NRG3: variants seen among roughly 807,000 people sequenced by gnomAD.
The protein encoded by NRG3 is pro-neuregulin-3, membrane-bound isoform.
A neutral mutation model predicts 66.9 loss-of-function variants in NRG3; 31 were observed. The ratio of observed to expected loss-of-function variants is 0.46; its 90% CI spans 0.35 to 0.63. The LOEUF (loss-of-function observed/expected upper bound fraction) is 0.63, where lower values mean the gene tolerates loss of function less well. Among genes scored for constraint, NRG3 ranks in the 20% least tolerant of loss-of-function variants. The probability of loss-of-function intolerance (pLI) is 0.00; values close to 1 mark genes in which losing one functional copy is unlikely to be tolerated. For missense variants in NRG3, 910 were observed against 878.9 expected (o/e 1.04, Z -0.45); for synonymous variants, 393 against 359.4 (o/e 1.09, Z -1.06).
chr10:82,349,227 G>T (rs1253988585), intron 1 of NRG3, among the ~76,000 whole-genome samples: 3 of 151,464 alleles, frequency 2.0e-5, no homozygotes, highest in African/African-American at 7.3e-5. Context: ...TGATGGTGAT[G>T]TACAGATGGG....
chr10:82,952,212 C>T (rs968308116), intron 5 of NRG3, among the ~76,000 whole-genome samples: 9 of 152,170 alleles, frequency 5.9e-5, no homozygotes, highest in African/African-American at 1.7e-4. Context: ...GCAAGTGGAT[C>T]ACCTGAGGTC....
At position 82,517,873 on chromosome 10, in the gene NRG3, A is replaced by G. The variant is rs554505410; in HGVS notation, c.953+159005A>G. ...TCATAATCAATATTTTTAATGCAAA[A>G]GTTTATATAAGGTCCATACTGGGTA... On this transcript the variant is annotated intron_variant, in intron 2 of 8. Coordinates refer to ENST00000372141, the MANE Select transcript of NRG3 (RefSeq NM_001010848.4). Among the ~76,000 whole-genome samples the G allele has an allele frequency of 5.3e-5, 8 of 152,250 alleles. No homozygotes were observed. The East Asian group carries it at 1.4e-3, about 26-fold the overall frequency.
intron 1 of NRG3, among the ~76,000 whole-genome samples, chr10:81,934,746 T>A (rs1329356686): frequency 6.6e-6 from 1 of 152,226 alleles, no homozygotes; most frequent in Non-Finnish European, 1.5e-5. Flanking sequence ...ACTTTTTTGG[T>A]AATTTTGTTT....
intron 3 of NRG3, among the ~76,000 whole-genome samples, chr10:82,788,105 G>A (rs981168): frequency 6.6e-6 from 1 of 151,968 alleles, no homozygotes; most frequent in Non-Finnish European, 1.5e-5. Flanking sequence ...TGTGTTGTTG[G>A]CTTCATTTAG....
At chr10:82,206,820 C>T (rs565833783) in intron 1 of NRG3, among the ~76,000 whole-genome samples, 4 of 152,276 alleles carry the variant, frequency 2.6e-5, no homozygotes, top group African/African-American at 9.6e-5. Context: ...GAAGAAATAA[C>T]ACGTTTTAAA....
rs1050069432 is a variant in NRG3, at chr10:82,168,722, T to G, written c.824-190017T>G. Among the ~76,000 whole-genome samples the G allele has an allele frequency of 1.1e-4, 16 of 152,292 alleles. No individual in the cohort carries two copies. In the South Asian group the frequency reaches 3.1e-3, roughly 30 times the overall value. On this transcript the variant is annotated intron_variant, in intron 1 of 8. Transcript: ENST00000372141. ...CCCAGCAGTGTGGAGTGGCCTAATGTGAGAGAAAGTTCTGTTTGTTTCTTA... is the reference window on the plus strand; with the variant it reads ...CCCAGCAGTGTGGAGTGGCCTAATGGGAGAGAAAGTTCTGTTTGTTTCTTA...
intron 2 of NRG3, among the ~76,000 whole-genome samples, chr10:82,456,274 G>T (rs1443886667): frequency 6.6e-6 from 1 of 150,780 alleles, no homozygotes; most frequent in Non-Finnish European, 1.5e-5. Context: ...TGAGTAGATA[G>T]GACTAAAAGT....
At chr10:82,136,101 C>G (rs1358841384) in intron 1 of NRG3, among the ~76,000 whole-genome samples, 2 of 152,292 alleles carry the variant, frequency 1.3e-5, no homozygotes, top group South Asian at 2.1e-4. Context: ...TGCAGATTCA[C>G]AGAGGTAGTG....
intron 2 of NRG3, among the ~76,000 whole-genome samples, chr10:82,625,661 A>G (rs748908633): frequency 6.6e-6 from 1 of 152,152 alleles, no homozygotes; most frequent in Non-Finnish European, 1.5e-5. Context: ...GAGCCATTCA[A>G]TTAGATTTCA....
chr10:81,985,486 C>T (rs542428494), intron 1 of NRG3, among the ~76,000 whole-genome samples: 2 of 152,312 alleles, frequency 1.3e-5, no homozygotes, highest in East Asian at 1.9e-4. Context: ...AGTCTATAAT[C>T]GCTATCAATG....
intron 1 of NRG3, among the ~76,000 whole-genome samples, chr10:82,025,194 A>G (rs567511507): frequency 7.3e-4 from 110 of 151,234 alleles, no homozygotes; most frequent in Non-Finnish European, 1.3e-3. Context: ...TTCACAGGTA[A>G]AAAATGTGGA....
At chr10:82,015,510 A>G (rs1418174859) in intron 1 of NRG3, among the ~76,000 whole-genome samples, 4 of 151,998 alleles carry the variant, frequency 2.6e-5, no homozygotes, top group African/African-American at 9.7e-5. Flanking sequence ...GATCAAGTGG[A>G]GGTGGTTGAA....
chr10:82,252,864 C>T (rs747027554), intron 1 of NRG3, among the ~76,000 whole-genome samples: 4 of 152,160 alleles, frequency 2.6e-5, no homozygotes, highest in Non-Finnish European at 5.9e-5. Context: ...TACTTTCTTG[C>T]TTCTGACTTC....
chr10:81,875,669 A>C lies in NRG3; in HGVS notation c.329A>C (p.Gln110Pro). The change falls in exon 1 of 9, where the codon CAG becomes CCG. Residue 110 changes from glutamine (Q) to proline (P), a missense_variant. Coordinates refer to ENST00000372141, the MANE Select transcript of NRG3 (RefSeq NM_001010848.4). The surrounding 1 kb of genome is among the most constrained non-coding windows in gnomAD (Gnocchi z 5.3). Reference sequence around the variant, plus strand: ...CTAGTGGACTCCAAGGGGATGGGCCAGGACCCCTTCTTCCTCTCCAAGCCC... The same window carrying C: ...CTAGTGGACTCCAAGGGGATGGGCCCGGACCCCTTCTTCCTCTCCAAGCCC... ...TDLVDSKGMG[Q>P]DPFFLSKPSS... 1 of 1,613,848 alleles carries C rather than the reference A, an allele frequency of 6.2e-7. No homozygotes were observed.
intron 1 of NRG3, among the ~76,000 whole-genome samples, chr10:82,249,274 T>G (rs1564709610): frequency 6.6e-6 from 1 of 152,230 alleles, no homozygotes; most frequent in Non-Finnish European, 1.5e-5. Context: ...AGACAGATGT[T>G]CAATGAAGGG....
chr10:82,287,565 G>C (rs1052163155), intron 1 of NRG3, among the ~76,000 whole-genome samples: 1 of 152,042 alleles, frequency 6.6e-6, no homozygotes, highest in Non-Finnish European at 1.5e-5. Flanking sequence ...GTCAGGGAGT[G>C]GGGTGAGGGT....
intron 1 of NRG3, among the ~76,000 whole-genome samples, chr10:82,318,800 A>G (rs1454515898): frequency 2.6e-5 from 4 of 152,212 alleles, no homozygotes; most frequent in African/African-American, 9.6e-5. Context: ...GAAAGTGAAC[A>G]TCTTGAAAGC....
chr10:82,462,258 C>G (rs1445339025), intron 2 of NRG3, among the ~76,000 whole-genome samples: 1 of 151,940 alleles, frequency 6.6e-6, no homozygotes, highest in African/African-American at 2.4e-5. Flanking sequence ...CATAGAAGTT[C>G]AAATATATTC....
At position 82,201,156 on chromosome 10, in the gene NRG3, C is replaced by A. The variant is rs559675268; in HGVS notation, c.824-157583C>A. 5.5e-5 allele frequency among the ~76,000 whole-genome samples: 8 copies of A among 144,988 alleles called. No homozygotes were observed. The South Asian group carries it at 1.8e-3, about 32-fold the overall frequency. ...GAGGTTGCGGTGAGCCAAGATCGCA[C>A]CAGCGCACTCCAGCCTGGTGACAGA... On this transcript the variant is annotated intron_variant, in intron 1 of 8. Coordinates refer to ENST00000372141, the MANE Select transcript of NRG3 (RefSeq NM_001010848.4).
Sources: gnomAD v4.1 joint callset for allele counts (sites outside exome capture counted in the v4.1 genomes callset) on GRCh38, gnomAD v4.1.1 for gene constraint, Gnocchi (gnomAD v3.1) non-coding constraint, MANE v1.5 for transcripts, NCBI Gene and HGNC (gene_info 2026-07-23, HGNC 2026-07-21) for gene names.